Variants in PRKCSH observed in about 807,000 individuals in gnomAD.
PRKCSH encodes the protein glucosidase 2 subunit beta.
In PRKCSH, 42 loss-of-function variants were observed where a neutral mutation model predicts 79.7. The ratio of observed to expected loss-of-function variants is 0.53; its 90% CI spans 0.41 to 0.68. The LOEUF (loss-of-function observed/expected upper bound fraction) is 0.68, where lower values mean the gene tolerates loss of function less well. Among genes scored for constraint, PRKCSH ranks in the 30% least tolerant of loss-of-function variants. PRKCSH has a pLI of 0.00. For synonymous variants in PRKCSH, 325 were observed against 288.2 expected, an observed-to-expected ratio of 1.13 and a Z score of -1.29; for missense variants, 686 against 709.0, an observed-to-expected ratio of 0.97 and a Z score of 0.37.
At position 11,441,236 on chromosome 19, in the gene PRKCSH, G is replaced by T; in HGVS notation, c.351-4G>T. On this transcript the variant is annotated splice_region_variant and splice_polypyrimidine_tract_variant and intron_variant, in intron 5 of 17. Coordinates refer to ENST00000677123, the MANE Select transcript of PRKCSH (RefSeq NM_001289104.2). ...GGTGGTGCCTGTGTGTCTCCGCACC[G>T]CAGAGAGAAGGGCCGTAAGGAGAGA... The T allele has an allele frequency of 6.2e-7, 1 of 1,613,670 alleles. No homozygotes were observed. Among genetic ancestry groups the T allele is most frequent in the Non-Finnish European group, 8.5e-7 (1 of 1,179,658 alleles).
intron 9 of PRKCSH, 104 bp from the exon 10 acceptor site, chr19:11,446,970 G>A (rs1232625417): frequency 3.1e-6 from 4 of 1,275,226 alleles, no homozygotes; most frequent in Admixed American, 1.7e-5. Context: ...TCAGGGCCCG[G>A]GGCCCAGCCC....
At position 11,446,284 on chromosome 19, in the gene PRKCSH, T is replaced by C. The variant is rs748827031; in HGVS notation, c.696T>C (p.Thr232=). ...DDDMDGTVSV[T]ELQTHPELDT... ...CACGCCCCCGCAGGGTCTCGGTGACTGAGCTGCAGACTCACCCGGAGCTGG... is the reference window on the plus strand; with the variant it reads ...CACGCCCCCGCAGGGTCTCGGTGACCGAGCTGCAGACTCACCCGGAGCTGG... The change falls in exon 9 of 18, where the codon ACT becomes ACC. Residue 232 remains threonine, a synonymous_variant. Coordinates refer to ENST00000677123, the MANE Select transcript of PRKCSH (RefSeq NM_001289104.2). The C allele has an allele frequency of 1.9e-6, 3 of 1,613,532 alleles. No individual in the cohort carries two copies. Among genetic ancestry groups the C allele is most frequent in the Non-Finnish European group, 2.5e-6 (3 of 1,179,728 alleles).
rs748761711 is a variant in PRKCSH at position 11,441,385 on chromosome 19, G to C, written c.468+28G>C. On this transcript the variant is annotated intron_variant, in intron 6 of 17. Coordinates refer to ENST00000677123, the MANE Select transcript of PRKCSH (RefSeq NM_001289104.2). ...AAGGAACCCGCGGGGGCTGCCCCAG[G>C]GTGATCTGGGCCTTGAGGCCTCATA... The C allele has an allele frequency of 3.7e-6, 6 of 1,606,858 alleles. No homozygotes were observed. In the East Asian group the frequency reaches 1.1e-4, roughly 30 times the overall value.
Position 11,442,535 on chromosome 19 carries a change from G to A in PRKCSH, c.598+20G>A, listed in dbSNP as rs1384632148. The A allele has an allele frequency of 6.2e-7, 1 of 1,607,526 alleles. No homozygotes were observed. Among genetic ancestry groups the A allele is most frequent in the African/African-American group, 1.3e-5 (1 of 74,748 alleles). On this transcript the variant is annotated intron_variant, in intron 7 of 17. Coordinates refer to ENST00000677123, the MANE Select transcript of PRKCSH (RefSeq NM_001289104.2). ...GGGAAGGTATGGCAGAAATGGCCAA[G>A]GACTCACCTTCAGTCCTGGGTGGGA...
At chr19:11,440,154 C>CTT (rs879570404) in intron 5 of PRKCSH, among the ~76,000 whole-genome samples, 7 of 146,596 alleles carry the variant, frequency 4.8e-5, no homozygotes, top group African/African-American at 7.5e-5. Context: ...CAACACACTT[C>CTT]TTTTTTTTTT....
At chr19:11,438,864 G>T (rs567721590) in intron 5 of PRKCSH, among the ~76,000 whole-genome samples, 1 of 151,662 alleles carries the variant, frequency 6.6e-6, no homozygotes, top group African/African-American at 2.4e-5. Flanking sequence ...CTCAATTCCT[G>T]CCAGCTGATC....
In PRKCSH at chr19:11,448,458, G is replaced by T. The variant is rs1482019847; in HGVS notation, c.1197-82G>T. ...AGGACAGCCTGGGCACCATTGCTCA[G>T]CCAGACCCTCCTGTGTCTGTCGTCC... is the stretch of plus-strand genomic sequence containing the variant. On this transcript the variant is annotated intron_variant, in intron 13 of 17. Transcript: ENST00000677123. This position sits in a 1 kb window ranked among gnomAD's most constrained non-coding sequence, Gnocchi z 4.4. 2.3e-5 allele frequency: 35 copies of T among 1,492,308 alleles called. No homozygotes were observed. In the East Asian group the frequency reaches 7.2e-4, roughly 31 times the overall value. 92.4% of individuals were successfully genotyped at this position (1,492,308 alleles called of 1,614,324 possible).
intron 5 of PRKCSH, among the ~76,000 whole-genome samples, chr19:11,439,414 TAAA>T (rs149089405): frequency 7.1e-6 from 1 of 140,836 alleles, no homozygotes; most frequent in Non-Finnish European, 1.6e-5. Context: ...CTATAAAAAG[TAAA>T]AAAAAAAAAT....
rs1192447525 is a variant in PRKCSH at position 11,436,105 on chromosome 19, A to G, written c.-13A>G. 19 of 1,607,558 alleles carry G rather than the reference A, an allele frequency of 1.2e-5. No homozygotes were observed. The highest frequency in any genetic ancestry group is 1.5e-5 in the Non-Finnish European group (18 of 1,179,934). Reference sequence around the variant, plus strand: ...CCACAGAACCCGTTTCGGGCCTCAGAGCGTCTGGTGAGATGCTGTTGCCGC... The same window carrying G: ...CCACAGAACCCGTTTCGGGCCTCAGGGCGTCTGGTGAGATGCTGTTGCCGC... On this transcript the variant is annotated 5_prime_UTR_variant, in exon 2 of 18. Transcript: ENST00000677123.
chr19:11,443,415 T>G (rs1304579926), intron 7 of PRKCSH, among the ~76,000 whole-genome samples: 1 of 151,910 alleles, frequency 6.6e-6, no homozygotes, highest in Admixed American at 6.6e-5. Context: ...CATGGTGGTG[T>G]GTGCCTGTAA....
intron 5 of PRKCSH, among the ~76,000 whole-genome samples, chr19:11,439,597 TTTC>T (rs1440217554): frequency 2.8e-5 from 4 of 143,492 alleles, no homozygotes; most frequent in Non-Finnish European, 3.0e-5. Flanking sequence ...CAGAAAAATT[TTTC>T]TTTTCTTTTT....
At chr19:11,436,586 T>C in intron 3 of PRKCSH, 81 bp downstream of exon 3, 1 of 1,142,926 alleles carries the variant, frequency 8.7e-7, no homozygotes, top group Non-Finnish European at 1.3e-6. Flanking sequence ...ACCAAGATAC[T>C]ACCTCTGCTG....
At chr19:11,438,150 A>G (rs1299956944) in intron 5 of PRKCSH, 26 bp downstream of exon 5, 2 of 1,612,388 alleles carry the variant, frequency 1.2e-6, no homozygotes, top group Non-Finnish European at 1.7e-6. Context: ...TACCCCTCCC[A>G]TCACCCCACC....
Position 11,448,495 on chromosome 19 carries a change from C to G in PRKCSH, c.1197-45C>G. 2.6e-6 allele frequency: 4 copies of G among 1,563,908 alleles called. No individual in the cohort carries two copies. The South Asian group carries it at 4.4e-5, about 17-fold the overall frequency. On this transcript the variant is annotated intron_variant, in intron 13 of 17. Transcript: ENST00000677123. The surrounding 1 kb of genome is among the most constrained non-coding windows in gnomAD (Gnocchi z 4.4). ...TGTGTCTGTCGTCCTGGGTCAGGCA[C>G]TGGCGTCCCCAGCTGCCCCTTAACC... is the stretch of plus-strand genomic sequence containing the variant.
chr19:11,445,346 G>A (rs1970244515), intron 7 of PRKCSH, 43 bp from the exon 8 acceptor site: 1 of 1,599,550 alleles, frequency 6.3e-7, no homozygotes. Context: ...GCTGATGGGA[G>A]CCGGTGGGTG....
At position 11,448,472 on chromosome 19, in the gene PRKCSH, T is replaced by C. The variant is rs1970429634; in HGVS notation, c.1197-68T>C. 1.3e-6 allele frequency: 2 copies of C among 1,494,560 alleles called. No individual in the cohort carries two copies. Among genetic ancestry groups the C allele is most frequent in the Non-Finnish European group, 1.9e-6 (2 of 1,071,808 alleles). 92.6% of individuals were successfully genotyped at this position (1,494,560 alleles called of 1,614,324 possible). On this transcript the variant is annotated intron_variant, in intron 13 of 17. Transcript: ENST00000677123. The surrounding 1 kb of genome is among the most constrained non-coding windows in gnomAD (Gnocchi z 4.4). ...ACCATTGCTCAGCCAGACCCTCCTG[T>C]GTCTGTCGTCCTGGGTCAGGCACTG...
At chr19:11,446,373 T>TG (rs771050247) in intron 9 of PRKCSH, 23 bp downstream of exon 9, 5 of 1,607,150 alleles carry the variant, frequency 3.1e-6, no homozygotes, top group Non-Finnish European at 4.2e-6. Flanking sequence ...GCCCCTTGGT[T>TG]GGGGACTTCT....
Position 11,447,220 on chromosome 19 carries a change from C to T in PRKCSH, c.849+60C>T. On this transcript the variant is annotated intron_variant, in intron 10 of 17. Transcript: ENST00000677123. The surrounding 1 kb of genome is among the most constrained non-coding windows in gnomAD (Gnocchi z 5.6). ...CCACCACACTGCCCCCACCCCGCCT[C>T]ACAAAGGAGCTGCCTCTGGTTCTGG... 1 of 1,572,770 alleles carries T rather than the reference C, an allele frequency of 6.4e-7. No homozygotes were observed.
chr19:11,446,995 C>T, intron 9 of PRKCSH, 79 bp from the exon 10 acceptor site: 1 of 1,494,382 alleles, frequency 6.7e-7, no homozygotes, highest in South Asian at 1.1e-5. Flanking sequence ...GTGCCTGGCA[C>T]CGCAGCCCGG....
Sources: gnomAD v4.1 joint callset for allele counts (sites outside exome capture counted in the v4.1 genomes callset) on GRCh38, gnomAD v4.1.1 for gene constraint, Gnocchi (gnomAD v3.1) non-coding constraint, MANE v1.5 for transcripts, NCBI Gene and HGNC (gene_info 2026-07-23, HGNC 2026-07-21) for gene names.